Variants in PXT1 observed in about 807,000 individuals in gnomAD.
PXT1 encodes the protein peroxisomal testis enriched protein 1.
PXT1 carries 11 observed loss-of-function variants against 11.0 expected under a neutral mutation model. The observed-to-expected ratio is 1.00, with a 90% CI of 0.63 to 1.66. The LOEUF (loss-of-function observed/expected upper bound fraction) is 1.66. PXT1 is among the 40% of genes most tolerant of loss of function. The probability of loss-of-function intolerance (pLI) is 0.00; values close to 1 mark genes in which losing one functional copy is unlikely to be tolerated. For synonymous variants in PXT1, 43 were observed against 51.4 expected (o/e 0.84, Z 0.70); for missense variants, 141 against 155.5 (o/e 0.91, Z 0.49).
intron 1 of PXT1, among the ~76,000 whole-genome samples, chr6:36,441,309 T>C (rs1420129714): frequency 1.3e-5 from 2 of 152,230 alleles, no homozygotes; most frequent in Non-Finnish European, 2.9e-5. Context: ...ATGCTGCTAC[T>C]GTTGTAAAGT....
chr6:36,419,148 A>T (rs529690264), intron 3 of PXT1, among the ~76,000 whole-genome samples: 1 of 152,236 alleles, frequency 6.6e-6, no homozygotes, highest in Non-Finnish European at 1.5e-5. Context: ...GAGGACATCA[A>T]TGAGGGTTGA....
rs1357711804 is a variant in PXT1, at chr6:36,402,376, T to C, written c.170-1792A>G. The stretch of plus-strand genomic sequence containing the variant: ...TAACATAGACATAAGTATGGCTTCA[T>C]AGAGAAAGCAAGAGTTGTGTTGAAC... On this transcript the variant is annotated intron_variant, in intron 3 of 4. Coordinates refer to ENST00000454782, the MANE Select transcript of PXT1 (RefSeq NM_152990.4). Among the ~76,000 whole-genome samples the C allele has an allele frequency of 2.6e-5, 4 of 152,190 alleles. No homozygotes were observed. The South Asian group carries it at 6.2e-4, about 24-fold the overall frequency.
intron 2 of PXT1, among the ~76,000 whole-genome samples, chr6:36,436,104 A>G (rs1774758604): frequency 7.4e-6 from 1 of 135,690 alleles, no homozygotes; most frequent in African/African-American, 2.7e-5. Context: ...ATTAAAAAAA[A>G]AAGTAAGCCA....
chr6:36,415,851 G>C (rs1245662672), intron 3 of PXT1, among the ~76,000 whole-genome samples: 4 of 152,120 alleles, frequency 2.6e-5, no homozygotes, highest in African/African-American at 7.2e-5. Flanking sequence ...ACAGGAGGAG[G>C]GTTCCCCCTT....
At chr6:36,423,993 C>G (rs754628495) in intron 3 of PXT1, among the ~76,000 whole-genome samples, 1 of 152,198 alleles carries the variant, frequency 6.6e-6, no homozygotes, top group Non-Finnish European at 1.5e-5. Context: ...ACTTCACCTG[C>G]CTCTTCTTTT....
At chr6:36,403,797 G>A (rs1424817521) in intron 3 of PXT1, among the ~76,000 whole-genome samples, 1 of 152,114 alleles carries the variant, frequency 6.6e-6, no homozygotes, top group Non-Finnish European at 1.5e-5. Flanking sequence ...GAGCCCAGGA[G>A]GTCAAGGCTA....
At chr6:36,433,354 G>A (rs1774719140) in intron 2 of PXT1, among the ~76,000 whole-genome samples, 1 of 152,076 alleles carries the variant, frequency 6.6e-6, no homozygotes, top group African/African-American at 2.4e-5. Context: ...TATATACATT[G>A]TGAAAGATAA....
chr6:36,427,323 T>C (rs1296291636), intron 2 of PXT1, among the ~76,000 whole-genome samples: 1 of 119,148 alleles, frequency 8.4e-6, no homozygotes, highest in Non-Finnish European at 1.6e-5. Flanking sequence ...GTTGTCTTCC[T>C]GGGCATTTAA....
intron 3 of PXT1, among the ~76,000 whole-genome samples, chr6:36,418,050 G>T (rs906646431): frequency 2.0e-5 from 3 of 152,022 alleles, no homozygotes; most frequent in African/African-American, 7.2e-5. Flanking sequence ...TAAAAAATTA[G>T]CCGGGCGTGG....
In PXT1 at chr6:36,437,316, C is replaced by T. The variant is rs1387710571; in HGVS notation, c.-10+1451G>A. 4.6e-5 allele frequency among the ~76,000 whole-genome samples: 7 copies of T among 151,594 alleles called. No homozygotes were observed. In the South Asian group the frequency reaches 8.4e-4, roughly 18 times the overall value. The stretch of plus-strand genomic sequence containing the variant: ...CAAACAAACAAAACCAAAAAAAACC[C>T]AAATTTAATAGGTAGAGTCAGGTAT... On this transcript the variant is annotated intron_variant, in intron 2 of 4. Coordinates refer to ENST00000454782, the MANE Select transcript of PXT1 (RefSeq NM_152990.4).
chr6:36,431,270 G>A lies in PXT1; in HGVS notation c.-9-5179C>T, dbSNP rs1196916841. On this transcript the variant is annotated intron_variant, in intron 2 of 4. Coordinates refer to ENST00000454782, the MANE Select transcript of PXT1 (RefSeq NM_152990.4). ...CTCTAAATAATTACTTATTAGTGAT[G>A]GCAACTGTAAATTAAGCTACAAATC... Among the ~76,000 whole-genome samples, 3 of 152,250 alleles carry A rather than the reference G, an allele frequency of 2.0e-5. No individual in the cohort carries two copies. The South Asian group carries it at 6.2e-4, about 32-fold the overall frequency.
At chr6:36,405,200 A>G (rs1286753728) in intron 3 of PXT1, among the ~76,000 whole-genome samples, 1 of 152,200 alleles carries the variant, frequency 6.6e-6, no homozygotes, top group Non-Finnish European at 1.5e-5. Flanking sequence ...AAAGTAAAAC[A>G]TAAAAAAATT....
At chr6:36,438,914 G>C (rs2127419662) in intron 1 of PXT1, 28 bp from the exon 2 acceptor site, 1 of 152,238 alleles carries the variant, frequency 6.6e-6, no homozygotes, top group Admixed American at 6.5e-5. Flanking sequence ...GGGATGAAAA[G>C]TAAATTATCC....
chr6:36,398,977 A>G (rs1774178959), intron 4 of PXT1, among the ~76,000 whole-genome samples: 1 of 152,158 alleles, frequency 6.6e-6, no homozygotes, highest in Non-Finnish European at 1.5e-5. Context: ...TCACTGCTGT[A>G]GCCACCAATG....
At chr6:36,405,255 T>C (rs1460185375) in intron 3 of PXT1, among the ~76,000 whole-genome samples, 1 of 152,206 alleles carries the variant, frequency 6.6e-6, no homozygotes, top group Non-Finnish European at 1.5e-5. Flanking sequence ...AGAAAATAAT[T>C]TTGTACAGCT....
chr6:36,398,786 C>T (rs1279496762), intron 4 of PXT1, among the ~76,000 whole-genome samples: 2 of 152,154 alleles, frequency 1.3e-5, no homozygotes, highest in Non-Finnish European at 2.9e-5. Flanking sequence ...CATTTCCAGG[C>T]TCTGCTTAAA....
rs934712858 is a variant in PXT1, at chr6:36,438,526, C to T, written c.-10+241G>A. 7.9e-5 allele frequency among the ~76,000 whole-genome samples: 12 copies of T among 152,252 alleles called. No homozygotes were observed. In the East Asian group the frequency reaches 2.3e-3, roughly 29 times the overall value. Reference sequence around the variant, plus strand: ...GCAAGCTCCGCCTCCTGGGTTCACGCCATTCTCCCGCCTCAGCCTCCCGAG... The same window carrying T: ...GCAAGCTCCGCCTCCTGGGTTCACGTCATTCTCCCGCCTCAGCCTCCCGAG... On this transcript the variant is annotated intron_variant, in intron 2 of 4. Transcript: ENST00000454782.
At chr6:36,427,049 G>A (rs1242816075) in intron 2 of PXT1, among the ~76,000 whole-genome samples, 2 of 144,580 alleles carry the variant, frequency 1.4e-5, no homozygotes, top group Non-Finnish European at 3.0e-5. Flanking sequence ...TTGCTCTGTC[G>A]CCCAGGCTGG....
At chr6:36,426,299 C>G (rs1189648652) in intron 2 of PXT1, among the ~76,000 whole-genome samples, 1 of 151,142 alleles carries the variant, frequency 6.6e-6, no homozygotes, top group Non-Finnish European at 1.5e-5. Context: ...ATCCTTATCA[C>G]CTATTACACC....
Sources: gnomAD v4.1 joint callset for allele counts (sites outside exome capture counted in the v4.1 genomes callset) on GRCh38, gnomAD v4.1.1 for gene constraint, MANE v1.5 for transcripts, NCBI Gene and HGNC (gene_info 2026-07-23, HGNC 2026-07-21) for gene names.